PEPD: variants seen among roughly 807,000 people sequenced by gnomAD.
The protein encoded by PEPD is peptidase D, also known as xaa-Pro dipeptidase.
A neutral mutation model predicts 60.7 loss-of-function variants in PEPD; 53 were observed. That is an observed-to-expected ratio of 0.87 (90% CI 0.70 to 1.10). The LOEUF is 1.10. Ranked by LOEUF, PEPD falls within the 50% of genes least tolerant of loss-of-function variation. The pLI, the probability that PEPD is intolerant of heterozygous loss-of-function variation, is 0.00. For synonymous variants in PEPD, 267 were observed against 284.1 expected (o/e 0.94, Z 0.60); for missense variants, 711 against 711.9 (o/e 1.00, Z 0.01).
chr19:33,489,736 C>T (rs926015189), intron 6 of PEPD, among the ~76,000 whole-genome samples: 1 of 152,068 alleles, frequency 6.6e-6, no homozygotes, highest in African/African-American at 2.4e-5. Context: ...CCTGCCCCTG[C>T]CCTTGCCCCT....
At chr19:33,501,845 G>C (rs1249988469) in intron 3 of PEPD, among the ~76,000 whole-genome samples, 4 of 152,126 alleles carry the variant, frequency 2.6e-5, no homozygotes, top group Non-Finnish European at 5.9e-5. Flanking sequence ...TGGGATTATA[G>C]GCATTAGGCA....
At chr19:33,396,146 G>T (rs116711522) in intron 12 of PEPD, 1 of 152,326 alleles carries the variant, frequency 6.6e-6, no homozygotes, top group Non-Finnish European at 1.5e-5. Context: ...AGTCCTCCCC[G>T]TCCTGGCACC....
At position 33,413,589 on chromosome 19, in the gene PEPD, G is replaced by A; in HGVS notation, c.726C>T (p.Thr242=). ...SRGGMRHSSY[T]CICGSGENSA... ...GCCCCGCTTACCTGCCGCAGATGCAGGTGTAGGAGCTGTGGCGCATGCCGC... is the reference window on the plus strand; with the variant it reads ...GCCCCGCTTACCTGCCGCAGATGCAAGTGTAGGAGCTGTGGCGCATGCCGC... The change falls in exon 10 of 15, where the codon ACC becomes ACT. Residue 242 remains threonine, a synonymous_variant. Coordinates refer to ENST00000244137, the MANE Select transcript of PEPD (RefSeq NM_000285.4). 1 of 1,579,752 alleles carries A rather than the reference G, an allele frequency of 6.3e-7. No individual in the cohort carries two copies. The highest frequency in any genetic ancestry group is 1.2e-5 in the South Asian group (1 of 86,398).
In PEPD at chr19:33,493,216, G is replaced by C. The variant is rs1970533563; in HGVS notation, c.441+74C>G. The C allele has an allele frequency of 5.7e-6, 6 of 1,049,418 alleles. No individual in the cohort carries two copies. In the Admixed American group the frequency reaches 1.1e-4, roughly 19 times the overall value. The allele number at this position is 1,049,418 out of a possible 1,614,324, so 65.0% of individuals were successfully genotyped here. On this transcript the variant is annotated intron_variant, in intron 5 of 14. Coordinates refer to ENST00000244137, the MANE Select transcript of PEPD (RefSeq NM_000285.4). ...ATCCTCCCCTATGGGCCCGACCTCTGCAGGAGAGGTGGCCCCCATAAAAAC... is the reference window on the plus strand; with the variant it reads ...ATCCTCCCCTATGGGCCCGACCTCTCCAGGAGAGGTGGCCCCCATAAAAAC...
At position 33,483,076 on chromosome 19, in the gene PEPD, T is replaced by C. The variant is rs929831749; in HGVS notation, c.504-4986A>G. Reference sequence around the variant, plus strand: ...ATTCATTAATCACAGTAGAATTAAATGAGAAATCAAAAAATATCCATGGCT... The same window carrying C: ...ATTCATTAATCACAGTAGAATTAAACGAGAAATCAAAAAATATCCATGGCT... On this transcript the variant is annotated intron_variant, in intron 6 of 14. Coordinates refer to ENST00000244137, the MANE Select transcript of PEPD (RefSeq NM_000285.4). 6.2e-4 allele frequency among the ~76,000 whole-genome samples: 95 copies of C among 152,226 alleles called. 1 individual carries two copies. The highest frequency in any genetic ancestry group is 3.2e-4 in the Non-Finnish European group (22 of 68,014).
chr19:33,442,504 T>A (rs1469635180), intron 9 of PEPD, among the ~76,000 whole-genome samples: 2 of 144,684 alleles, frequency 1.4e-5, no homozygotes, highest in South Asian at 2.2e-4. Context: ...ATCAAGACCA[T>A]CCTGGCTAAC....
intron 6 of PEPD, among the ~76,000 whole-genome samples, chr19:33,489,430 A>T (rs1970455858): frequency 6.6e-6 from 1 of 152,144 alleles, no homozygotes; most frequent in South Asian, 2.1e-4. Context: ...CGAGTTCGAG[A>T]CAAGCCTGGC....
rs780015592 is a variant in PEPD at position 33,478,030 on chromosome 19, C to A, written c.548+16G>T. 1 of 1,591,670 alleles carries A rather than the reference C, an allele frequency of 6.3e-7. No individual in the cohort carries two copies. Among genetic ancestry groups the A allele is most frequent in the Non-Finnish European group, 8.6e-7 (1 of 1,160,912 alleles). Reference sequence around the variant, plus strand: ...GAGCACAACAAACAGGCAAGGTGACCACAGGCCGTACTCACCACTCAACGA... The same window carrying A: ...GAGCACAACAAACAGGCAAGGTGACAACAGGCCGTACTCACCACTCAACGA... On this transcript the variant is annotated intron_variant, in intron 7 of 14. Coordinates refer to ENST00000244137, the MANE Select transcript of PEPD (RefSeq NM_000285.4).
chr19:33,446,065 T>C (rs972752803), intron 9 of PEPD, among the ~76,000 whole-genome samples: 3 of 152,150 alleles, frequency 2.0e-5, no homozygotes, highest in African/African-American at 7.2e-5. Context: ...TTCAAAGCAT[T>C]ACAGATTGAT....
intron 9 of PEPD, among the ~76,000 whole-genome samples, chr19:33,424,334 G>A (rs762630627): frequency 2.6e-5 from 4 of 152,260 alleles, no homozygotes; most frequent in Non-Finnish European, 4.4e-5. Context: ...TTCGCAATCT[G>A]TGACTCTAGA....
intron 9 of PEPD, among the ~76,000 whole-genome samples, chr19:33,417,799 A>C (rs540425628): frequency 6.6e-6 from 1 of 152,188 alleles, no homozygotes; most frequent in Admixed American, 6.5e-5. Context: ...CAGCCTCTTG[A>C]CTATTCCTTT....
rs193011321 is a variant in PEPD, at chr19:33,468,138, G to C, written c.549-4076C>G. On this transcript the variant is annotated intron_variant, in intron 7 of 14. Transcript: ENST00000244137. The stretch of plus-strand genomic sequence containing the variant: ...GAGGTCTGTAATACTGAGAGACCTG[G>C]AGAATGGAGGTGGGCAACCCAGCTG... 6.6e-5 allele frequency among the ~76,000 whole-genome samples: 10 copies of C among 152,296 alleles called. No homozygotes were observed. In the East Asian group the frequency reaches 1.5e-3, roughly 24 times the overall value.
intron 11 of PEPD, among the ~76,000 whole-genome samples, chr19:33,407,415 G>A (rs1272668598): frequency 6.6e-6 from 1 of 152,206 alleles, no homozygotes; most frequent in Non-Finnish European, 1.5e-5. Context: ...TGTGGAAGGA[G>A]GGGGCAGCAC....
chr19:33,498,339 G>C lies in PEPD; in HGVS notation c.393+2599C>G, dbSNP rs33825. Among the ~76,000 whole-genome samples the C allele has an allele frequency of 2.6e-5, 4 of 152,070 alleles. No homozygotes were observed. In the East Asian group the frequency reaches 5.8e-4, roughly 22 times the overall value. On this transcript the variant is annotated intron_variant, in intron 4 of 14. Coordinates refer to ENST00000244137, the MANE Select transcript of PEPD (RefSeq NM_000285.4). ...TGTATACGAAGACGAAGAATGAGCC[G>C]GTCTCTGTGCTGTCATTCTGTGCAA... is the stretch of plus-strand genomic sequence containing the variant.
intron 4 of PEPD, among the ~76,000 whole-genome samples, chr19:33,497,242 G>A (rs1229386668): frequency 6.6e-6 from 1 of 152,254 alleles, no homozygotes; most frequent in Non-Finnish European, 1.5e-5. Context: ...TCCCTGTGCT[G>A]CTGCGGTTGT....
At chr19:33,414,102 G>C (rs577118278) in intron 9 of PEPD, among the ~76,000 whole-genome samples, 2 of 152,198 alleles carry the variant, frequency 1.3e-5, no homozygotes, top group Admixed American at 1.3e-4. Context: ...TACGGCCTGC[G>C]CTCACCCGGG....
At chr19:33,413,755 GC>G in intron 9 of PEPD, 112 bp from the exon 10 acceptor site, 1 of 701,668 alleles carries the variant, frequency 1.4e-6, no homozygotes. Context: ...CCCTGCCGTG[GC>G]CCCACAATGG....
At chr19:33,466,461 T>C (rs2145277538) in intron 7 of PEPD, among the ~76,000 whole-genome samples, 1 of 152,312 alleles carries the variant, frequency 6.6e-6, no homozygotes, top group Middle Eastern at 3.4e-3. Context: ...TTCTGGCAAA[T>C]GTTTTAAACT....
chr19:33,459,441 G>A (rs1401642512), intron 9 of PEPD, among the ~76,000 whole-genome samples: 1 of 152,126 alleles, frequency 6.6e-6, no homozygotes, highest in Non-Finnish European at 1.5e-5. Flanking sequence ...CCAGCCCCAC[G>A]CCAGCTGGCT....
Sources: gnomAD v4.1 joint callset for allele counts (sites outside exome capture counted in the v4.1 genomes callset) on GRCh38, gnomAD v4.1.1 for gene constraint, MANE v1.5 for transcripts, NCBI Gene and HGNC (gene_info 2026-07-23, HGNC 2026-07-21) for gene names.